HECW2: variants seen among roughly 807,000 people sequenced by gnomAD.
HECW2 encodes the protein E3 ubiquitin-protein ligase HECW2.
HECW2 carries 61 observed loss-of-function variants against 175.2 expected under a neutral mutation model. The observed-to-expected ratio is 0.35, with a 90% confidence interval of 0.28 to 0.43. The LOEUF is 0.43. Ranked by LOEUF, HECW2 falls within the 20% of genes least tolerant of loss-of-function variation. The pLI is 1.00. For synonymous variants in HECW2, 671 were observed against 731.0 expected (o/e 0.92, Z 1.32); for missense variants, 1,524 against 2,000.5 (o/e 0.76, Z 4.54).
chr2:196,342,360 C>T (rs1249848432), intron 3 of HECW2, among the ~76,000 whole-genome samples: 3 of 148,396 alleles, frequency 2.0e-5, no homozygotes, highest in Admixed American at 1.4e-4. Flanking sequence ...GCCGAGATTG[C>T]GCCATTGTAC....
chr2:196,379,784 T>A (rs921139134), intron 2 of HECW2, among the ~76,000 whole-genome samples: 6 of 151,344 alleles, frequency 4.0e-5, no homozygotes, highest in Admixed American at 2.0e-4. Context: ...ATAATTAGCC[T>A]ATGGTGTTTG....
chr2:196,426,185 A>T (rs1031233273), intron 2 of HECW2, among the ~76,000 whole-genome samples: 1 of 152,182 alleles, frequency 6.6e-6, no homozygotes, highest in African/African-American at 2.4e-5. Flanking sequence ...TGCACACTTA[A>T]TATTTAGATT....
intron 7 of HECW2, among the ~76,000 whole-genome samples, chr2:196,321,375 C>T (rs1208465950): frequency 7.0e-6 from 1 of 142,222 alleles, no homozygotes; most frequent in Non-Finnish European, 1.5e-5. Flanking sequence ...AATTAAATGA[C>T]TTATTCTTTT....
chr2:196,590,234 G>T (rs982292895), intron 1 of HECW2, among the ~76,000 whole-genome samples: 3 of 152,082 alleles, frequency 2.0e-5, no homozygotes, highest in African/African-American at 7.2e-5. Context: ...GAGTAAACTG[G>T]CACTGTCACA....
intron 2 of HECW2, among the ~76,000 whole-genome samples, chr2:196,344,302 T>C (rs181573034): frequency 6.6e-5 from 5 of 75,702 alleles, no homozygotes; most frequent in East Asian, 4.1e-4. Context: ...ACCAAAGGCA[T>C]AGACCTTGAG....
chr2:196,591,803 A>T (rs1559192879), intron 1 of HECW2, among the ~76,000 whole-genome samples: 1 of 152,142 alleles, frequency 6.6e-6, no homozygotes, highest in African/African-American at 2.4e-5. Flanking sequence ...CAAACTCCAG[A>T]TTTTCACGCC....
chr2:196,233,057 G>A (rs913675643), intron 21 of HECW2, among the ~76,000 whole-genome samples: 4 of 152,208 alleles, frequency 2.6e-5, no homozygotes, highest in Admixed American at 6.5e-5. Flanking sequence ...ACATGTCACA[G>A]CAGGGTACAT....
At chr2:196,336,696 T>A (rs1692562417) in intron 3 of HECW2, among the ~76,000 whole-genome samples, 1 of 152,194 alleles carries the variant, frequency 6.6e-6, no homozygotes, top group South Asian at 2.1e-4. Flanking sequence ...ATGCCAACTT[T>A]GCTAGCTGAC....
chr2:196,540,193 C>T (rs1689164323), intron 1 of HECW2, among the ~76,000 whole-genome samples: 2 of 152,058 alleles, frequency 1.3e-5, no homozygotes, highest in Non-Finnish European at 2.9e-5. Context: ...TCCTTCAATA[C>T]AATTTTTGGG....
intron 1 of HECW2, among the ~76,000 whole-genome samples, chr2:196,512,241 G>A (rs192944001): frequency 2.0e-4 from 30 of 152,278 alleles, no homozygotes; most frequent in South Asian, 1.0e-3. Flanking sequence ...CTAGACATCT[G>A]AAAATATTTT....
rs556131072 is a variant in HECW2, at chr2:196,356,586, G to A, written c.293-12822C>T. On this transcript the variant is annotated intron_variant, in intron 2 of 28. Coordinates refer to ENST00000644978, the MANE Select transcript of HECW2 (RefSeq NM_001348768.2). ...AGCCATCTCAATTATCAGATCAGCT[G>A]TCATGGTATCTCATCACGCAGGCAT... Among the ~76,000 whole-genome samples, 5 of 152,268 alleles carry A rather than the reference G, an allele frequency of 3.3e-5. No homozygotes were observed. The East Asian group carries it at 9.6e-4, about 29-fold the overall frequency.
intron 14 of HECW2, among the ~76,000 whole-genome samples, chr2:196,286,415 G>A (rs1158803912): frequency 1.7e-5 from 2 of 117,504 alleles, no homozygotes; most frequent in Non-Finnish European, 3.9e-5. Flanking sequence ...AATCCATGCA[G>A]GTCATAAAGA....
At chr2:196,375,183 AG>A (rs1694018800) in intron 2 of HECW2, among the ~76,000 whole-genome samples, 1 of 152,114 alleles carries the variant, frequency 6.6e-6, no homozygotes, top group Non-Finnish European at 1.5e-5. Flanking sequence ...AAGAAAAAAA[AG>A]AAAAAGAAAA....
At chr2:196,326,665 A>G (rs1692164456) in intron 5 of HECW2, among the ~76,000 whole-genome samples, 1 of 151,940 alleles carries the variant, frequency 6.6e-6, no homozygotes, top group Non-Finnish European at 1.5e-5. Context: ...GATGGTCTTG[A>G]TCTCCTGACC....
In HECW2 at chr2:196,365,937, G is replaced by A. The variant is rs1344601272; in HGVS notation, c.293-22173C>T. 2.6e-5 allele frequency among the ~76,000 whole-genome samples: 4 copies of A among 152,072 alleles called. No individual in the cohort carries two copies. The South Asian group carries it at 6.2e-4, about 24-fold the overall frequency. The stretch of plus-strand genomic sequence containing the variant: ...AAGATCACATAGCCAGAAACTAGCT[G>A]GATTTCAAATCTTGGGTCTGTATAA... On this transcript the variant is annotated intron_variant, in intron 2 of 28. Coordinates refer to ENST00000644978, the MANE Select transcript of HECW2 (RefSeq NM_001348768.2).
chr2:196,559,107 G>A (rs1438444654), intron 1 of HECW2, among the ~76,000 whole-genome samples: 1 of 152,152 alleles, frequency 6.6e-6, no homozygotes, highest in Non-Finnish European at 1.5e-5. Flanking sequence ...CTAATAAGCA[G>A]GAGAGCTGGG....
intron 27 of HECW2, 98 bp downstream of exon 27, chr2:196,216,910 G>T: frequency 2.7e-6 from 2 of 752,626 alleles, no homozygotes; most frequent in South Asian, 2.1e-5. Flanking sequence ...GATACACATG[G>T]TATGTGTTTA....
intron 1 of HECW2, among the ~76,000 whole-genome samples, chr2:196,518,062 G>A (rs1397163488): frequency 1.3e-5 from 2 of 152,104 alleles, no homozygotes; most frequent in Admixed American, 6.5e-5. Context: ...GAGAAAGAAA[G>A]CTTTTAACAC....
At chr2:196,350,294 G>A (rs1348295474) in intron 2 of HECW2, among the ~76,000 whole-genome samples, 2 of 152,212 alleles carry the variant, frequency 1.3e-5, no homozygotes, top group African/African-American at 4.8e-5. Flanking sequence ...GAACCTGGGA[G>A]GTGGAGGTTG....
Sources: allele counts gnomAD v4.1 joint callset (sites outside exome capture counted in the v4.1 genomes callset), GRCh38; gene constraint gnomAD v4.1.1; transcripts MANE v1.5; gene names NCBI Gene and HGNC (gene_info 2026-07-23, HGNC 2026-07-21).